The following COLQ variants were observed in gnomAD, a reference collection of about 807,000 sequenced individuals.
COLQ encodes collagen like tail subunit of asymmetric acetylcholinesterase.
Under a neutral mutation model 69.0 loss-of-function variants are expected in COLQ, and 48 were observed. The ratio of observed to expected loss-of-function variants is 0.70; its 90% CI spans 0.55 to 0.88. The LOEUF is 0.88. Among genes scored for constraint, COLQ ranks in the 40% least tolerant of loss-of-function variants. COLQ has a pLI of 0.00. For synonymous variants in COLQ, 217 were observed against 211.2 expected, an observed-to-expected ratio of 1.03 and a Z score of -0.24; for missense variants, 618 against 594.6, an observed-to-expected ratio of 1.04 and a Z score of -0.41.
chr3:15,513,514 T>G (rs2063016340), intron 1 of COLQ, among the ~76,000 whole-genome samples: 1 of 152,200 alleles, frequency 6.6e-6, no homozygotes, highest in South Asian at 2.1e-4. Context: ...GTCCCCTGCC[T>G]GTCTCCCTAA....
intron 16 of COLQ, among the ~76,000 whole-genome samples, chr3:15,453,368 G>C (rs1239020672): frequency 2.6e-5 from 4 of 152,242 alleles, no homozygotes; most frequent in Non-Finnish European, 5.9e-5. Context: ...GATCTCACTT[G>C]CAGTCACAGG....
At chr3:15,452,266 C>T (rs553054282) in intron 16 of COLQ, among the ~76,000 whole-genome samples, 1 of 152,206 alleles carries the variant, frequency 6.6e-6, no homozygotes, top group South Asian at 2.1e-4. Flanking sequence ...GGGATTTCAC[C>T]ATGTTGGCCA....
At chr3:15,514,009 C>T (rs1295751630) in intron 1 of COLQ, among the ~76,000 whole-genome samples, 5 of 152,144 alleles carry the variant, frequency 3.3e-5, no homozygotes, top group Admixed American at 2.6e-4. Context: ...GGTAATGTGA[C>T]CACTGAAGCA....
intron 2 of COLQ, among the ~76,000 whole-genome samples, 194 bp from the exon 3 acceptor site, chr3:15,488,501 G>A (rs1443474943): frequency 6.6e-6 from 1 of 152,096 alleles, no homozygotes; most frequent in Admixed American, 6.6e-5. Flanking sequence ...AGACGAACCT[G>A]GCTTGTATGG....
chr3:15,455,849 A>G (rs1559511683), intron 15 of COLQ, 50 bp downstream of exon 15: 1 of 1,611,724 alleles, frequency 6.2e-7, no homozygotes, highest in South Asian at 1.1e-5. Context: ...CCTGAGTCCC[A>G]CCCCCCTGCT....
chr3:15,521,628 T>G lies in COLQ; in HGVS notation c.-3A>C. 6.2e-7 allele frequency: 1 copy of G among 1,614,138 alleles called. No individual in the cohort carries two copies. Among genetic ancestry groups the G allele is most frequent in the Non-Finnish European group, 8.5e-7 (1 of 1,180,030 alleles). On this transcript the variant is annotated 5_prime_UTR_variant, in exon 1 of 17. Coordinates refer to ENST00000383788, the MANE Select transcript of COLQ (RefSeq NM_005677.4). Reference sequence around the variant, plus strand: ...GTCATTGGATTCAGGACAACCATGCTGGCCAGGGTCTGGCGAGGGTCAAGT... The same window carrying G: ...GTCATTGGATTCAGGACAACCATGCGGGCCAGGGTCTGGCGAGGGTCAAGT...
intron 3 of COLQ, among the ~76,000 whole-genome samples, chr3:15,480,386 G>A (rs1226116097): frequency 2.0e-5 from 3 of 151,660 alleles, no homozygotes; most frequent in Non-Finnish European, 4.4e-5. Context: ...CTGTGTCCAG[G>A]TGTTCTCATT....
At position 15,477,190 on chromosome 3, in the gene COLQ, G is replaced by C; in HGVS notation, c.401C>G (p.Pro134Arg). 1 of 1,605,508 alleles carries C rather than the reference G, an allele frequency of 6.2e-7. No homozygotes were observed. The highest frequency in any genetic ancestry group is 2.2e-5 in the East Asian group (1 of 44,688). The change falls in exon 6 of 17, where the codon CCT (proline) becomes CGT (arginine). Residue 134 changes from proline to arginine, a missense_variant. By Grantham distance (103) the Pro-to-Arg change is moderately radical. Coordinates refer to ENST00000383788, the MANE Select transcript of COLQ (RefSeq NM_005677.4). ...ELGRPGRKGR[P>R]GPPGVPGMPG... is the part of the protein sequence containing the mutation. The stretch of plus-strand genomic sequence containing the variant: ...CATGCCAGGAACACCTGGGGGGCCA[G>C]GTCTACCCTTCAAAGACCAAGAACA...
intron 12 of COLQ, among the ~76,000 whole-genome samples, chr3:15,459,478 CTTTTT>C (rs769741069): frequency 7.4e-6 from 1 of 135,558 alleles, no homozygotes; most frequent in Non-Finnish European, 1.6e-5. Flanking sequence ...ATAAGGCATC[CTTTTT>C]TTTTTTTTTT....
At chr3:15,492,955 T>C (rs1330919959) in intron 1 of COLQ, among the ~76,000 whole-genome samples, 3 of 152,130 alleles carry the variant, frequency 2.0e-5, no homozygotes, top group Non-Finnish European at 4.4e-5. Flanking sequence ...AAAAGTTCCA[T>C]AGAACCCAGC....
intron 1 of COLQ, among the ~76,000 whole-genome samples, chr3:15,497,260 T>A (rs2062759562): frequency 6.6e-6 from 1 of 152,014 alleles, no homozygotes; most frequent in African/African-American, 2.4e-5. Context: ...GCCAGGCTGG[T>A]CTTGAACTCC....
chr3:15,484,753 G>C (rs993149718), intron 3 of COLQ, among the ~76,000 whole-genome samples: 2 of 151,224 alleles, frequency 1.3e-5, no homozygotes, highest in Admixed American at 6.6e-5. Context: ...TCGTGCTGTG[G>C]TTTTCAGCTC....
chr3:15,450,491 T>C lies in COLQ; in HGVS notation c.*1153A>G, dbSNP rs1056587758. On this transcript the variant is annotated 3_prime_UTR_variant, in exon 17 of 17. Transcript: ENST00000383788. ...GTGGGGGTGGACCTCACCTTGGAGATGTCTTTCCAGAATAAAACTAAGCCC... is the reference window on the plus strand; with the variant it reads ...GTGGGGGTGGACCTCACCTTGGAGACGTCTTTCCAGAATAAAACTAAGCCC... 6.5e-6 allele frequency: 1 copy of C among 153,778 alleles called. No individual in the cohort carries two copies. The highest frequency in any genetic ancestry group is 2.4e-5 in the African/African-American group (1 of 41,456). The allele number at this position is 153,778 out of a possible 1,614,324, so 9.5% of individuals were successfully genotyped here.
At chr3:15,491,725 A>C (rs2062671108) in intron 1 of COLQ, among the ~76,000 whole-genome samples, 1 of 152,224 alleles carries the variant, frequency 6.6e-6, no homozygotes, top group Non-Finnish European at 1.5e-5. Context: ...TTAAAAAATC[A>C]ATACAGTGCT....
chr3:15,463,496 G>A (rs1281312859), intron 12 of COLQ, among the ~76,000 whole-genome samples: 2 of 151,998 alleles, frequency 1.3e-5, no homozygotes, highest in African/African-American at 2.4e-5. Context: ...ACAGGCGCCC[G>A]CCACTACGCC....
chr3:15,477,892 C>T (rs2062408255), intron 5 of COLQ, among the ~76,000 whole-genome samples: 1 of 152,206 alleles, frequency 6.6e-6, no homozygotes. Context: ...TTCACTTGCA[C>T]AGGGTACATG....
At chr3:15,463,838 C>T (rs1004609969) in intron 12 of COLQ, among the ~76,000 whole-genome samples, 5 of 152,206 alleles carry the variant, frequency 3.3e-5, no homozygotes, top group Admixed American at 2.6e-4. Flanking sequence ...ATCATCCAGC[C>T]AATTCCAGAA....
At chr3:15,491,917 G>A (rs2062673792) in intron 1 of COLQ, among the ~76,000 whole-genome samples, 2 of 152,124 alleles carry the variant, frequency 1.3e-5, no homozygotes, top group Middle Eastern at 3.4e-3. Context: ...AATTAGCTGG[G>A]CACGGTGGCA....
chr3:15,499,003 G>GTTTTTT, intron 1 of COLQ: 1 of 1,100,518 alleles, frequency 9.1e-7, no homozygotes, highest in Non-Finnish European at 1.1e-6. Flanking sequence ...TGACTGCTCT[G>GTTTTTT]GTAAGCCTCA....
Sources: allele counts gnomAD v4.1 joint callset (sites outside exome capture counted in the v4.1 genomes callset), GRCh38; gene constraint gnomAD v4.1.1; transcripts MANE v1.5; gene names NCBI Gene and HGNC (gene_info 2026-07-23, HGNC 2026-07-21).